Variants in CDYL2 observed in about 807,000 individuals in gnomAD.
CDYL2 encodes the protein chromodomain Y like 2, also known as chromodomain Y-like protein 2.
In CDYL2, 23 loss-of-function variants were observed where a neutral mutation model predicts 49.4. That is an observed-to-expected ratio of 0.47 (90% CI 0.34 to 0.66). The LOEUF (loss-of-function observed/expected upper bound fraction) is 0.66. Among genes scored for constraint, CDYL2 ranks in the 30% least tolerant of loss-of-function variants. The probability of loss-of-function intolerance (pLI) is 0.01; values close to 1 mark genes in which losing one functional copy is unlikely to be tolerated. For missense variants in CDYL2, 678 were observed against 656.4 expected (o/e 1.03, Z -0.36); for synonymous variants, 360 against 268.8 (o/e 1.34, Z -3.32).
intron 1 of CDYL2, among the ~76,000 whole-genome samples, chr16:80,792,487 T>C (rs1334069127): frequency 6.6e-6 from 1 of 152,152 alleles, no homozygotes; most frequent in Non-Finnish European, 1.5e-5. Context: ...ACCATAAGCA[T>C]GCTCCTAACA....
intron 1 of CDYL2, among the ~76,000 whole-genome samples, chr16:80,761,244 T>C (rs1448110774): frequency 6.6e-6 from 1 of 152,186 alleles, no homozygotes; most frequent in Non-Finnish European, 1.5e-5. Flanking sequence ...GGCTCCAGGT[T>C]GAACCACCTG....
At chr16:80,654,722 C>G (rs756355269) in intron 2 of CDYL2, among the ~76,000 whole-genome samples, 1 of 152,234 alleles carries the variant, frequency 6.6e-6, no homozygotes, top group Non-Finnish European at 1.5e-5. Context: ...GACATCAGAG[C>G]TGCCCGGCAT....
intron 2 of CDYL2, among the ~76,000 whole-genome samples, chr16:80,667,780 A>AATAT (rs1162392952): frequency 4.6e-5 from 7 of 152,234 alleles, no homozygotes; most frequent in African/African-American, 1.7e-4. Context: ...CAAGCCAGCG[A>AATAT]ATATGTTAAG....
At chr16:80,780,700 G>A (rs111633522) in intron 1 of CDYL2, among the ~76,000 whole-genome samples, 256 of 152,034 alleles carry the variant, frequency 1.7e-3, no homozygotes, top group African/African-American at 5.8e-3. Context: ...CACCGCGCCC[G>A]GCCCAGATGT....
intron 3 of CDYL2, among the ~76,000 whole-genome samples, chr16:80,624,146 G>C (rs1464605056): frequency 6.6e-6 from 1 of 152,138 alleles, no homozygotes; most frequent in Non-Finnish European, 1.5e-5. Context: ...TGGGTGCCTG[G>C]TATTCACAAG....
chr16:80,733,098 A>G (rs1905389181), intron 1 of CDYL2, among the ~76,000 whole-genome samples: 1 of 152,034 alleles, frequency 6.6e-6, no homozygotes, highest in South Asian at 2.1e-4. Flanking sequence ...TTCTACAGCC[A>G]TTTCTACCCC....
intron 2 of CDYL2, among the ~76,000 whole-genome samples, chr16:80,635,165 A>G (rs986287374): frequency 1.3e-5 from 2 of 152,234 alleles, no homozygotes; most frequent in Non-Finnish European, 2.9e-5. Flanking sequence ...AAACCAATCA[A>G]TGTGATCCAC....
At chr16:80,701,053 G>T (rs1182688505) in intron 1 of CDYL2, among the ~76,000 whole-genome samples, 1 of 152,144 alleles carries the variant, frequency 6.6e-6, no homozygotes, top group African/African-American at 2.4e-5. Flanking sequence ...AACCCCTGCA[G>T]TCTTAAGCCA....
intron 3 of CDYL2, among the ~76,000 whole-genome samples, chr16:80,631,097 A>T (rs552894819): frequency 6.6e-6 from 1 of 152,222 alleles, no homozygotes; most frequent in African/African-American, 2.4e-5. Flanking sequence ...AGAAGAGACA[A>T]AAGGGCGAGC....
At chr16:80,614,706 A>C (rs368362926) in intron 4 of CDYL2, among the ~76,000 whole-genome samples, 1 of 152,042 alleles carries the variant, frequency 6.6e-6, no homozygotes, top group East Asian at 1.9e-4. Context: ...TCTACTAAAA[A>C]TACAAAAATT....
chr16:80,745,537 C>A (rs760893284), intron 1 of CDYL2, among the ~76,000 whole-genome samples: 2 of 152,056 alleles, frequency 1.3e-5, no homozygotes, highest in Non-Finnish European at 2.9e-5. Flanking sequence ...AAAACAGTAC[C>A]CCCTTCATGG....
At chr16:80,606,292 C>A (rs1222168291) in intron 6 of CDYL2, among the ~76,000 whole-genome samples, 3 of 152,224 alleles carry the variant, frequency 2.0e-5, no homozygotes, top group Non-Finnish European at 2.9e-5. Context: ...GAAACCCCCC[C>A]AGCATTCCTG....
chr16:80,765,057 CAAAA>C (rs933163217), intron 1 of CDYL2, among the ~76,000 whole-genome samples: 1 of 47,818 alleles, frequency 2.1e-5, no homozygotes. Context: ...GATTCCGTCT[CAAAA>C]AAAAAAAAAA....
intron 3 of CDYL2, among the ~76,000 whole-genome samples, chr16:80,627,138 C>G (rs956347458): frequency 1.2e-4 from 18 of 152,122 alleles, no homozygotes; most frequent in Admixed American, 3.3e-4. Flanking sequence ...ATGGAATAAG[C>G]ACATTCCAGC....
At chr16:80,730,351 G>C (rs1007609369) in intron 1 of CDYL2, among the ~76,000 whole-genome samples, 4 of 151,918 alleles carry the variant, frequency 2.6e-5, no homozygotes, top group African/African-American at 9.7e-5. Flanking sequence ...AGAAAATCTA[G>C]AAGAAATGGA....
chr16:80,672,225 T>C (rs1390231073), intron 2 of CDYL2, among the ~76,000 whole-genome samples: 3 of 151,864 alleles, frequency 2.0e-5, no homozygotes, highest in Non-Finnish European at 4.4e-5. Flanking sequence ...AAAATTCCAA[T>C]ATGAAGAGTT....
intron 1 of CDYL2, among the ~76,000 whole-genome samples, chr16:80,802,649 C>G (rs1428054882): frequency 6.6e-6 from 1 of 152,168 alleles, no homozygotes; most frequent in African/African-American, 2.4e-5. Context: ...CTCCCACCCA[C>G]CCCACCTGAA....
chr16:80,669,129 A>G (rs1370975129), intron 2 of CDYL2, among the ~76,000 whole-genome samples: 1 of 151,932 alleles, frequency 6.6e-6, no homozygotes, highest in Admixed American at 6.6e-5. Context: ...AATGGCAGTA[A>G]AAGATTTTTT....
In CDYL2 at chr16:80,599,463, T is replaced by C. The variant is rs941917522; in HGVS notation, c.*4925A>G. On this transcript the variant is annotated 3_prime_UTR_variant, in exon 7 of 7. Transcript: ENST00000570137. ...GATTTATGTTCTAGAAAAACAGTCC[T>C]GGATAGACATATTCAGCTGATATGT... 6.6e-6 allele frequency: 1 copy of C among 152,226 alleles called. No homozygotes were observed. The highest frequency in any genetic ancestry group is 1.5e-5 in the Non-Finnish European group (1 of 68,042). 9.4% of individuals were successfully genotyped at this position (152,226 alleles called of 1,614,324 possible).
Sources: allele counts gnomAD v4.1 joint callset (sites outside exome capture counted in the v4.1 genomes callset), GRCh38; gene constraint gnomAD v4.1.1; transcripts MANE v1.5; gene names NCBI Gene and HGNC (gene_info 2026-07-23, HGNC 2026-07-21).